The following MAGT1 variants were observed in gnomAD, a reference collection of about 807,000 sequenced individuals.
The protein encoded by MAGT1 is magnesium transporter 1.
A neutral mutation model predicts 28.4 loss-of-function variants in MAGT1; 4 were observed. The ratio of observed to expected loss-of-function variants is 0.14; its 90% CI spans 0.07 to 0.32. The LOEUF is 0.32. MAGT1 is among the 10% of genes least tolerant of loss of function. The probability of loss-of-function intolerance (pLI) is 1.00; values close to 1 mark genes in which losing one functional copy is unlikely to be tolerated. For synonymous variants in MAGT1, 89 were observed against 89.7 expected (o/e 0.99, Z 0.04); for missense variants, 193 against 264.5 (o/e 0.73, Z 1.88).
intron 3 of MAGT1, chrX:77,868,618 C>T (rs782586770): frequency 3.8e-5 from 11 of 290,094 alleles, no homozygotes; most frequent in Admixed American, 1.4e-4. Context: ...GTCTGGGCAA[C>T]AGAGCGAGAC....
intron 1 of MAGT1, among the ~76,000 whole-genome samples, chrX:77,880,437 G>A (rs1269332873): frequency 4.6e-5 from 5 of 109,044 alleles, no homozygotes; most frequent in Admixed American, 9.9e-5. Flanking sequence ...GCTGAGGCAG[G>A]AGAATTGCTT....
At chrX:77,882,978 T>C (rs1318872942) in intron 1 of MAGT1, among the ~76,000 whole-genome samples, 2 of 100,709 alleles carry the variant, frequency 2.0e-5, no homozygotes, top group Admixed American at 1.2e-4. Flanking sequence ...CTAATAAATA[T>C]ATATTTATAT....
At chrX:77,871,737 G>A (rs1557217343) in intron 2 of MAGT1, among the ~76,000 whole-genome samples, 1 of 110,212 alleles carries the variant, frequency 9.1e-6, no homozygotes, top group African/African-American at 3.3e-5. Flanking sequence ...AGCTACTCGG[G>A]AGGCTGAGGC....
At position 77,857,412 on chromosome X, in the gene MAGT1, C is replaced by T. The variant is rs782169515; in HGVS notation, c.476G>A (p.Arg159Gln). 7 of 1,210,030 alleles carry T rather than the reference C, an allele frequency of 5.8e-6. No homozygotes were observed. Among genetic ancestry groups the T allele is most frequent in the South Asian group, 5.3e-5 (3 of 56,811 alleles). ...GGCAATCTGCTCAGCTGAAAAACCC[C>T]GCACCTGTAACTCATATGTATCACC... ...KRGDTYELQV[R>Q]GFSAEQIARW... is the part of the protein sequence containing the mutation. The change falls in exon 4 of 10, where the codon CGG becomes CAG. Residue 159 changes from arginine to glutamine, a missense_variant. Arg to Gln is a conservative substitution (Grantham distance 43). Transcript: ENST00000618282.
Position 77,826,077 on chromosome X carries a change from C to T in MAGT1, c.*3143G>A, listed in dbSNP as rs1418616022. Among the ~76,000 whole-genome samples, 6 of 112,048 alleles carry T rather than the reference C, an allele frequency of 5.4e-5. No homozygotes were observed. Among genetic ancestry groups the T allele is most frequent in the East Asian group, 5.6e-4 (2 of 3,590 alleles). On this transcript the variant is annotated 3_prime_UTR_variant, in exon 10 of 10. Transcript: ENST00000618282. ...GTCAAGGAATGTTCACTGTCTGGGA[C>T]GAAAGGTAGATCAATTGTTGCAAAC...
chrX:77,873,061 CCTG>C (rs781960066), intron 2 of MAGT1, among the ~76,000 whole-genome samples: 1 of 111,873 alleles, frequency 8.9e-6, no homozygotes, highest in Non-Finnish European at 1.9e-5. Context: ...GTGTTTGTTC[CCTG>C]CTATTTTTGT....
In MAGT1 at chrX:77,886,655, A is replaced by T. The variant is rs1161582818; in HGVS notation, c.102+8654T>A. On this transcript the variant is annotated intron_variant, in intron 1 of 9. Coordinates refer to ENST00000618282, the MANE Select transcript of MAGT1 (RefSeq NM_001367916.1). ...AGCAACATAGTTAGATTCCATCTCT[A>T]AAAAAAAAACAAAAATCAAAATCCA... 2.9e-5 allele frequency among the ~76,000 whole-genome samples: 3 copies of T among 105,212 alleles called. No homozygotes were observed. The Admixed American group carries it at 3.1e-4, about 11-fold the overall frequency. The allele number at this position is 105,212 out of a possible 115,157, so 91.4% of individuals were successfully genotyped here. A position where few individuals can be genotyped will look rare whatever the true frequency, so the allele number is the denominator to read the frequency against.
At chrX:77,847,160 C>T (rs782094455) in intron 7 of MAGT1, among the ~76,000 whole-genome samples, 5 of 112,396 alleles carry the variant, frequency 4.4e-5, no homozygotes, top group South Asian at 3.6e-4. Context: ...GCCTCGCTGC[C>T]GCCCTGCAGT....
intron 3 of MAGT1, among the ~76,000 whole-genome samples, chrX:77,859,033 C>A (rs1292462380): frequency 8.1e-5 from 9 of 110,514 alleles, no homozygotes; most frequent in African/African-American, 3.0e-4. Flanking sequence ...CACAGTGAAA[C>A]CCTGTCTCTA....
Position 77,895,407 on chromosome X carries a change from C to G in MAGT1, c.4G>C (p.Ala2Pro). 2 of 1,211,570 alleles carry G rather than the reference C, an allele frequency of 1.7e-6. No homozygotes were observed. Among genetic ancestry groups the G allele is most frequent in the Non-Finnish European group, 2.2e-6 (2 of 895,265 alleles). The change falls in exon 1 of 10, where the codon GCA (alanine) becomes CCA (proline). Residue 2 changes from alanine (A) to proline (P), a missense_variant. Transcript: ENST00000618282. ...ACACACCAAAACCGCCAACGCGCTG[C>G]CATGTTCGCTCCTCTCCCTTCTATA... M[A>P]ARWRFWCVSV... is the part of the protein sequence containing the mutation.
chrX:77,876,335 A>G (rs1188737307), intron 1 of MAGT1, among the ~76,000 whole-genome samples: 1 of 107,607 alleles, frequency 9.3e-6, no homozygotes, highest in Non-Finnish European at 1.9e-5. Context: ...TAATAAGATA[A>G]AAATAACAAA....
chrX:77,876,168 T>A (rs1251422609), intron 1 of MAGT1, among the ~76,000 whole-genome samples: 358 of 18,860 alleles, frequency 0.019, no homozygotes, highest in Non-Finnish European at 0.028. Flanking sequence ...ATATATATTT[T>A]TTTTTTTTTT....
intron 3 of MAGT1, among the ~76,000 whole-genome samples, chrX:77,860,558 T>C (rs1227508532): frequency 9.2e-6 from 1 of 108,454 alleles, no homozygotes; most frequent in Non-Finnish European, 1.9e-5. Context: ...AAGACAGGTG[T>C]ATCACTTGAG....
intron 1 of MAGT1, among the ~76,000 whole-genome samples, chrX:77,891,315 C>CATCT (rs79053193): frequency 0.19 from 17,131 of 90,267 alleles, 1,389 homozygotes; most frequent in Non-Finnish European, 0.2. Context: ...TCAGTTCCCT[C>CATCT]ATCTATCTAT....
chrX:77,843,938 G>C (rs1166144454), intron 7 of MAGT1, among the ~76,000 whole-genome samples: 4 of 111,570 alleles, frequency 3.6e-5, no homozygotes, highest in Non-Finnish European at 7.5e-5. Context: ...CCAGGCTTTG[G>C]TATCAGGATG....
Position 77,870,848 on chromosome X carries a change from G to A in MAGT1, c.350C>T (p.Ala117Val). The change falls in exon 3 of 10, where the codon GCC becomes GTC. Residue 117 changes from alanine (A) to valine (V), a missense_variant. Transcript: ENST00000618282. ...AGAGCCTTCATCAAAATCCACCATG[G>A]CAAAAAATATCCTGTTGGTGAATGC... ...SSAFTNRIFF[A>V]MVDFDEGSDV... The A allele has an allele frequency of 8.3e-7, 1 of 1,208,822 alleles. No homozygotes were observed. Among genetic ancestry groups the A allele is most frequent in the Non-Finnish European group, 1.1e-6 (1 of 892,975 alleles).
intron 8 of MAGT1, among the ~76,000 whole-genome samples, chrX:77,838,739 C>T (rs1409947952): frequency 2.9e-4 from 27 of 94,567 alleles, no homozygotes; most frequent in Non-Finnish European, 4.7e-4. Flanking sequence ...GTCTGGGAGA[C>T]AGAGCAAGAC....
chrX:77,848,371 G>A (rs1001213315), intron 7 of MAGT1, among the ~76,000 whole-genome samples: 1 of 112,351 alleles, frequency 8.9e-6, no homozygotes, highest in African/African-American at 3.2e-5. Flanking sequence ...GCTAGTAGAA[G>A]GCCAGGCGTG....
In MAGT1 at chrX:77,829,630, A is replaced by G. The variant is rs1557213197; in HGVS notation, c.993-395T>C. 9.0e-5 allele frequency among the ~76,000 whole-genome samples: 10 copies of G among 110,841 alleles called. 1 individual carries two copies. Among genetic ancestry groups the G allele is most frequent in the Non-Finnish European group, 1.9e-5 (1 of 53,040 alleles). On this transcript the variant is annotated intron_variant, in intron 9 of 9. Coordinates refer to ENST00000618282, the MANE Select transcript of MAGT1 (RefSeq NM_001367916.1). ...TTGAATCAACTCTGCTGATCAAATA[A>G]TTAACAGAAGTCCCAGCAAAATTAC...
Sources: gnomAD v4.1 joint callset for allele counts (sites outside exome capture counted in the v4.1 genomes callset) on GRCh38, gnomAD v4.1.1 for gene constraint, MANE v1.5 for transcripts, NCBI Gene and HGNC (gene_info 2026-07-23, HGNC 2026-07-21) for gene names.